Variants in WWOX observed in about 807,000 individuals in gnomAD.
The protein encoded by WWOX is WW domain-containing oxidoreductase.
A neutral mutation model predicts 46.2 loss-of-function variants in WWOX; 69 were observed. The ratio of observed to expected loss-of-function variants is 1.49; its 90% CI spans 1.23 to 1.82. The LOEUF (loss-of-function observed/expected upper bound fraction) is 1.82. WWOX is among the 40% of genes most tolerant of loss of function. The pLI is 0.00. For missense variants in WWOX, 919 were observed against 542.6 expected (o/e 1.69, Z -6.89); for synonymous variants, 359 against 202.6 (o/e 1.77, Z -6.56).
At chr16:78,934,215 G>A (rs1311891984) in intron 8 of WWOX, among the ~76,000 whole-genome samples, 1 of 151,572 alleles carries the variant, frequency 6.6e-6, no homozygotes. Context: ...GCACATCCCT[G>A]TAATCCCAGC....
intron 8 of WWOX, among the ~76,000 whole-genome samples, chr16:79,151,336 T>A (rs935474097): frequency 6.6e-6 from 1 of 152,200 alleles, no homozygotes; most frequent in Non-Finnish European, 1.5e-5. Flanking sequence ...TAACAAAACG[T>A]CTCCAGCAGG....
rs547598102 is a variant in WWOX at position 78,101,574 on chromosome 16, G to C, written c.107+1689G>C. On this transcript the variant is annotated intron_variant, in intron 1 of 8. Transcript: ENST00000566780. ...GGCCTCAAGTGATCCGCCCACCTCG[G>C]CCCCCCAAAGTGTTGGCATTACAGA... 2.0e-5 allele frequency among the ~76,000 whole-genome samples: 3 copies of C among 152,044 alleles called. 1 individual carries two copies. In the South Asian group the frequency reaches 6.2e-4, roughly 32 times the overall value.
At chr16:79,067,801 G>A (rs1010650006) in intron 8 of WWOX, among the ~76,000 whole-genome samples, 67 of 152,164 alleles carry the variant, frequency 4.4e-4, no homozygotes, top group Non-Finnish European at 3.1e-4. Context: ...TGGTTCGAAT[G>A]GAATGAGTGT....
At chr16:78,401,381 G>A (rs977867126) in intron 6 of WWOX, among the ~76,000 whole-genome samples, 1 of 152,106 alleles carries the variant, frequency 6.6e-6, no homozygotes, top group Non-Finnish European at 1.5e-5. Flanking sequence ...AATTCAACTT[G>A]ACATGGCAAA....
chr16:78,828,634 C>G (rs1002078033), intron 8 of WWOX, among the ~76,000 whole-genome samples: 7 of 152,118 alleles, frequency 4.6e-5, no homozygotes, highest in African/African-American at 1.7e-4. Flanking sequence ...GTGATATAAT[C>G]TATCATTATT....
intron 8 of WWOX, among the ~76,000 whole-genome samples, chr16:79,064,322 C>G (rs7193437): frequency 6.6e-6 from 1 of 152,126 alleles, no homozygotes; most frequent in African/African-American, 2.4e-5. Flanking sequence ...TAGGGCATAG[C>G]TTGTGGAATT....
At chr16:78,528,165 A>ATTTTTTTTTTTTTTTTTTT (rs56803717) in intron 8 of WWOX, among the ~76,000 whole-genome samples, 3 of 58,394 alleles carry the variant, frequency 5.1e-5, no homozygotes, top group African/African-American at 2.5e-4. Context: ...CACCTGGCTA[A>ATTTTTTTTTTTTTTTTTTT]TTTTTTTTTT....
chr16:78,959,123 C>T (rs1210471187), intron 8 of WWOX, among the ~76,000 whole-genome samples: 9 of 152,204 alleles, frequency 5.9e-5, no homozygotes, highest in South Asian at 4.2e-4. Flanking sequence ...AATGTTTATC[C>T]GAACTTACCG....
intron 6 of WWOX, among the ~76,000 whole-genome samples, chr16:78,400,950 G>T (rs765592241): frequency 1.3e-5 from 2 of 152,170 alleles, no homozygotes; most frequent in Non-Finnish European, 2.9e-5. Context: ...AGCCTCCTGA[G>T]TAGTTGGGAC....
At chr16:78,484,213 A>G (rs532458016) in intron 8 of WWOX, among the ~76,000 whole-genome samples, 1 of 144,328 alleles carries the variant, frequency 6.9e-6, no homozygotes, top group South Asian at 2.1e-4. Context: ...TAGAAGCAAA[A>G]TTTGCAGTAA....
intron 5 of WWOX, among the ~76,000 whole-genome samples, chr16:78,304,577 C>G (rs556810568): frequency 2.0e-5 from 3 of 152,316 alleles, no homozygotes; most frequent in South Asian, 4.1e-4. Flanking sequence ...TTCATAGAGA[C>G]TTTTTCATAT....
chr16:78,860,809 C>T (rs576103348), intron 8 of WWOX, among the ~76,000 whole-genome samples: 1 of 152,064 alleles, frequency 6.6e-6, no homozygotes, highest in Non-Finnish European at 1.5e-5. Context: ...TTAGCTCAGG[C>T]TATAGGGAGG....
At chr16:78,669,642 C>A (rs117073168) in intron 8 of WWOX, among the ~76,000 whole-genome samples, 1 of 152,174 alleles carries the variant, frequency 6.6e-6, no homozygotes, top group Non-Finnish European at 1.5e-5. Flanking sequence ...ATATCCAACA[C>A]AAATACGTCA....
chr16:78,242,466 C>G (rs2037685790), intron 5 of WWOX, among the ~76,000 whole-genome samples: 1 of 152,202 alleles, frequency 6.6e-6, no homozygotes, highest in Non-Finnish European at 1.5e-5. Context: ...AAATAATTCT[C>G]TCTCCACACA....
At chr16:78,519,325 C>T (rs1248453835) in intron 8 of WWOX, among the ~76,000 whole-genome samples, 2 of 152,112 alleles carry the variant, frequency 1.3e-5, no homozygotes, top group Non-Finnish European at 2.9e-5. Context: ...AAGCATGTTG[C>T]TCTGGTAATA....
chr16:79,025,344 C>G lies in WWOX; in HGVS notation c.1057-186264C>G, dbSNP rs571037234. On this transcript the variant is annotated intron_variant, in intron 8 of 8. Transcript: ENST00000566780. ...CCCCAAAAGATATGTTCACTGGAAC[C>G]TAGACATTTGAGAAAAAGGGTCTTT... is the stretch of plus-strand genomic sequence containing the variant. Among the ~76,000 whole-genome samples, 7 of 152,226 alleles carry G rather than the reference C, an allele frequency of 4.6e-5. No homozygotes were observed. The East Asian group carries it at 1.4e-3, about 29-fold the overall frequency.
At chr16:78,363,297 G>A (rs866608544) in intron 5 of WWOX, among the ~76,000 whole-genome samples, 2 of 150,464 alleles carry the variant, frequency 1.3e-5, no homozygotes, top group East Asian at 2.0e-4. Context: ...TTTTTTTGAC[G>A]GGGTCTTAAT....
chr16:78,702,793 G>C (rs1409639979), intron 8 of WWOX, among the ~76,000 whole-genome samples: 2 of 152,206 alleles, frequency 1.3e-5, no homozygotes, highest in Non-Finnish European at 2.9e-5. Flanking sequence ...ATGTGTATTT[G>C]GAGAAGCTCT....
At chr16:78,582,861 G>C (rs1345367994) in intron 8 of WWOX, among the ~76,000 whole-genome samples, 1 of 152,184 alleles carries the variant, frequency 6.6e-6, no homozygotes, top group Non-Finnish European at 1.5e-5. Flanking sequence ...GGCCCTTCTA[G>C]TGATGTACCG....
Sources: gnomAD v4.1 joint callset for allele counts (sites outside exome capture counted in the v4.1 genomes callset) on GRCh38, gnomAD v4.1.1 for gene constraint, MANE v1.5 for transcripts, NCBI Gene and HGNC (gene_info 2026-07-23, HGNC 2026-07-21) for gene names.